The following KCNH7 variants were observed in gnomAD, a reference collection of about 807,000 sequenced individuals.
The protein encoded by KCNH7 is potassium voltage-gated channel subfamily H member 7.
In KCNH7, 49 loss-of-function variants were observed where a neutral mutation model predicts 120.8. The observed-to-expected ratio is 0.41, with a 90% CI of 0.32 to 0.51. The LOEUF (loss-of-function observed/expected upper bound fraction) is 0.51. Ranked by LOEUF, KCNH7 falls within the 20% of genes least tolerant of loss-of-function variation. The probability of loss-of-function intolerance (pLI) is 0.38; values close to 1 mark genes in which losing one functional copy is unlikely to be tolerated. For missense variants in KCNH7, 1,097 were observed against 1,446.6 expected (o/e 0.76, Z 3.92); for synonymous variants, 547 against 516.1 (o/e 1.06, Z -0.81).
intron 13 of KCNH7, 89 bp downstream of exon 13, chr2:162,384,599 A>T: frequency 8.3e-7 from 1 of 1,199,736 alleles, no homozygotes; most frequent in Non-Finnish European, 1.2e-6. Context: ...TTAGATTAAC[A>T]TGTGTCAGTA....
chr2:162,504,700 A>G (rs755981623), intron 5 of KCNH7, 43 bp from the exon 6 acceptor site: 4 of 1,290,028 alleles, frequency 3.1e-6, no homozygotes, highest in Non-Finnish European at 4.5e-6. Context: ...ATAAGAAGAT[A>G]TAGAAGAAAG....
At chr2:162,376,731 A>G (rs1206027864) in intron 14 of KCNH7, among the ~76,000 whole-genome samples, 1 of 152,104 alleles carries the variant, frequency 6.6e-6, no homozygotes, top group Non-Finnish European at 1.5e-5. Context: ...ATCTCTGTCA[A>G]CTAGACCTAT....
intron 7 of KCNH7, among the ~76,000 whole-genome samples, chr2:162,439,888 C>T (rs1215243634): frequency 1.3e-5 from 2 of 151,462 alleles, no homozygotes; most frequent in African/African-American, 2.4e-5. Flanking sequence ...GATACTAAGT[C>T]CAGACTCAAG....
chr2:162,760,667 T>C (rs1014584491), intron 2 of KCNH7, among the ~76,000 whole-genome samples: 1 of 152,106 alleles, frequency 6.6e-6, no homozygotes, highest in African/African-American at 2.4e-5. Flanking sequence ...TCAAAAGTAG[T>C]GAATCACTTG....
chr2:162,489,526 A>G (rs1159836279), intron 6 of KCNH7, among the ~76,000 whole-genome samples: 1 of 152,236 alleles, frequency 6.6e-6, no homozygotes, highest in Non-Finnish European at 1.5e-5. Flanking sequence ...ATTTGACCAG[A>G]GACGACTAGA....
intron 3 of KCNH7, among the ~76,000 whole-genome samples, chr2:162,527,400 C>T (rs1243451641): frequency 6.6e-6 from 1 of 151,930 alleles, no homozygotes; most frequent in Non-Finnish European, 1.5e-5. Context: ...TGACTTTCAG[C>T]TCCAGTGGAG....
At chr2:162,631,720 T>C (rs1683774249) in intron 2 of KCNH7, among the ~76,000 whole-genome samples, 2 of 151,994 alleles carry the variant, frequency 1.3e-5, no homozygotes, top group African/African-American at 4.8e-5. Context: ...CAACACCAGA[T>C]GATAATGAAT....
intron 6 of KCNH7, among the ~76,000 whole-genome samples, chr2:162,498,371 G>A (rs76475753): frequency 2.0e-5 from 3 of 149,864 alleles, no homozygotes; most frequent in Non-Finnish European, 4.4e-5. Flanking sequence ...ATGTGTAAAT[G>A]CTATATACTG....
intron 2 of KCNH7, among the ~76,000 whole-genome samples, chr2:162,692,662 C>G (rs1400650639): frequency 6.6e-6 from 1 of 151,888 alleles, no homozygotes; most frequent in Admixed American, 6.6e-5. Flanking sequence ...GGCACAACAC[C>G]ATGCAGGAAA....
At chr2:162,741,922 T>C (rs1688151765) in intron 2 of KCNH7, among the ~76,000 whole-genome samples, 1 of 152,206 alleles carries the variant, frequency 6.6e-6, no homozygotes, top group African/African-American at 2.4e-5. Flanking sequence ...TGTGAATAGA[T>C]TTATAGATGC....
chr2:162,705,412 T>C (rs1686663070), intron 2 of KCNH7, among the ~76,000 whole-genome samples: 1 of 152,110 alleles, frequency 6.6e-6, no homozygotes. Flanking sequence ...ATAAAATTTC[T>C]AAATCCTGAG....
intron 2 of KCNH7, among the ~76,000 whole-genome samples, chr2:162,601,850 T>C (rs1694569273): frequency 6.6e-6 from 1 of 152,128 alleles, no homozygotes; most frequent in East Asian, 1.9e-4. Context: ...TTGTAGCATT[T>C]CCATTCATGT....
chr2:162,497,791 G>C (rs1353547221), intron 6 of KCNH7, among the ~76,000 whole-genome samples: 1 of 152,002 alleles, frequency 6.6e-6, no homozygotes, highest in Non-Finnish European at 1.5e-5. Context: ...TTAAAATTGA[G>C]AATCCACTAA....
At chr2:162,536,258 A>G (rs959105491) in intron 3 of KCNH7, among the ~76,000 whole-genome samples, 4 of 151,976 alleles carry the variant, frequency 2.6e-5, no homozygotes, top group African/African-American at 4.8e-5. Flanking sequence ...TTATAAATTG[A>G]CAAGATAGAG....
chr2:162,775,086 C>T (rs1683185439), intron 2 of KCNH7, among the ~76,000 whole-genome samples: 2 of 151,940 alleles, frequency 1.3e-5, no homozygotes, highest in Admixed American at 6.6e-5. Flanking sequence ...AATGAACATT[C>T]GAAAGCTCTT....
chr2:162,655,836 G>T (rs1383798985), intron 2 of KCNH7, among the ~76,000 whole-genome samples: 1 of 152,096 alleles, frequency 6.6e-6, no homozygotes, highest in African/African-American at 2.4e-5. Flanking sequence ...CATATTTTGA[G>T]ATAGCATATC....
At chr2:162,752,913 GAAAAGAAAAGAAAAGAAAAGA>G (rs1688618673) in intron 2 of KCNH7, among the ~76,000 whole-genome samples, 6 of 42,428 alleles carry the variant, frequency 1.4e-4, no homozygotes, top group Admixed American at 5.0e-4. Flanking sequence ...AAAAAGAAAA[GAAAAGAAAAGAAAAGAAAAGA>G]AAAGAAAAGA....
intron 2 of KCNH7, among the ~76,000 whole-genome samples, chr2:162,757,657 TA>T (rs775950264): frequency 3.3e-5 from 5 of 152,270 alleles, no homozygotes; most frequent in Non-Finnish European, 7.4e-5. Flanking sequence ...TTCAGGTTCA[TA>T]ATCATGCTAT....
chr2:162,496,622 G>C (rs1480995037), intron 6 of KCNH7, among the ~76,000 whole-genome samples: 1 of 151,908 alleles, frequency 6.6e-6, no homozygotes, highest in African/African-American at 2.4e-5. Flanking sequence ...CTTTTTCCTG[G>C]TCATGAGACA....
Sources: allele counts gnomAD v4.1 joint callset (sites outside exome capture counted in the v4.1 genomes callset), GRCh38; gene constraint gnomAD v4.1.1; transcripts MANE v1.5; gene names NCBI Gene and HGNC (gene_info 2026-07-23, HGNC 2026-07-21).